Variants in KBTBD2 observed in about 807,000 individuals in gnomAD.
The protein encoded by KBTBD2 is kelch repeat and BTB domain containing 2.
KBTBD2 carries 17 observed loss-of-function variants against 57.1 expected under a neutral mutation model. That is an observed-to-expected ratio of 0.30 (90% CI 0.20 to 0.45). KBTBD2 has a LOEUF of 0.45. KBTBD2 is among the 20% of genes least tolerant of loss of function. The probability of loss-of-function intolerance (pLI) is 1.00; values close to 1 mark genes in which losing one functional copy is unlikely to be tolerated. For missense variants in KBTBD2, 515 were observed against 750.6 expected (o/e 0.69, Z 3.67); for synonymous variants, 267 against 262.7 (o/e 1.02, Z -0.16).
intron 3 of KBTBD2, among the ~76,000 whole-genome samples, chr7:32,873,384 C>CAAAAA (rs544661966): frequency 2.4e-4 from 26 of 107,750 alleles, no homozygotes; most frequent in Non-Finnish European, 3.7e-4. Flanking sequence ...AAGCTCTAAG[C>CAAAAA]AAAAAAAAAA....
Position 32,870,811 on chromosome 7 carries a change from A to T in KBTBD2, c.406T>A (p.Leu136Met). 6.2e-7 allele frequency: 1 copy of T among 1,610,684 alleles called. No individual in the cohort carries two copies. Among genetic ancestry groups the T allele is most frequent in the Non-Finnish European group, 8.5e-7 (1 of 1,179,190 alleles). Reference protein sequence around the residue: ...KKINAENCVRLLSFADLFSCE... With the variant: ...KKINAENCVRMLSFADLFSCE... ...CTGAAGAGATCAGCAAAACTCAACA[A>T]TCGTACACAATTCTCTGCATTTATT... Residue 136 changes from leucine (L) to methionine (M), a missense_variant, in exon 4 of 4, where the codon TTG becomes ATG. Physicochemically the swap from Leu to Met is conservative, Grantham distance 15. Transcript: ENST00000304056.
Position 32,869,459 on chromosome 7 carries a change from G to A in KBTBD2, c.1758C>T (p.Leu586=). The A allele has an allele frequency of 1.2e-6, 2 of 1,614,120 alleles. No homozygotes were observed. Among genetic ancestry groups the A allele is most frequent in the Middle Eastern group, 1.6e-4 (1 of 6,062 alleles). The change falls in exon 4 of 4, where the codon CTC becomes CTT. Residue 586 remains leucine (L), a synonymous_variant. Coordinates refer to ENST00000304056, the MANE Select transcript of KBTBD2 (RefSeq NM_015483.3). Reference sequence around the variant, plus strand: ...GAGACTCTTCAAGGCAGGATGGATAGAGTTTCCCCACAGTGCATCGAAAAT... The same window carrying A: ...GAGACTCTTCAAGGCAGGATGGATAAAGTTTCCCCACAGTGCATCGAAAAT... ...GRDFRCTVGK[L]YPSCLEESPW...
rs148431997 is a variant in KBTBD2, at chr7:32,869,426, T to C, written c.1791A>G (p.Lys597=). 3.7e-6 allele frequency: 6 copies of C among 1,614,000 alleles called. No individual in the cohort carries two copies. The highest frequency in any genetic ancestry group is 1.1e-5 in the South Asian group (1 of 91,084). ...CCGTTGAAAAAAGATAAGTTGGTGG[T>C]TTCCATGGAGACTCTTCAAGGCAGG... is the stretch of plus-strand genomic sequence containing the variant. ...YPSCLEESPW[K]PPTYLFSTDG... is the part of the protein sequence containing the mutation. The change falls in exon 4 of 4, where the codon AAA becomes AAG. Residue 597 remains lysine (K), a synonymous_variant. Coordinates refer to ENST00000304056, the MANE Select transcript of KBTBD2 (RefSeq NM_015483.3).
chr7:32,881,208 G>A (rs1784438022), intron 1 of KBTBD2, among the ~76,000 whole-genome samples: 1 of 151,722 alleles, frequency 6.6e-6, no homozygotes, highest in African/African-American at 2.4e-5. Context: ...AACTGCTCAA[G>A]GGGGCAAAAA....
intron 2 of KBTBD2, 26 bp downstream of exon 2, chr7:32,879,409 C>A: frequency 2.0e-6 from 3 of 1,485,160 alleles, no homozygotes; most frequent in Non-Finnish European, 2.7e-6. Flanking sequence ...CAAAGAATTT[C>A]TATTTAAAAC....
chr7:32,882,979 C>T (rs943659060), intron 1 of KBTBD2, among the ~76,000 whole-genome samples: 13 of 151,914 alleles, frequency 8.6e-5, no homozygotes, highest in African/African-American at 2.7e-4. Flanking sequence ...AGCAAGACTC[C>T]GTCTCAAAAA....
rs779844936 is a variant in KBTBD2, at chr7:32,869,717, T to C, written c.1500A>G (p.Glu500=). ...ACTCATTTTTATTCACATCATAAAT[T>C]TCCACAGTTACTGAAGACCCATCTA... ...GTVDGSSVTV[E]IYDVNKNEWK... is the part of the protein sequence containing the mutation. Residue 500 remains glutamate (E), a synonymous_variant, in exon 4 of 4, where the codon GAA becomes GAG. Transcript: ENST00000304056. 119 of 1,614,008 alleles carry C rather than the reference T, an allele frequency of 7.4e-5. 2 individuals carry two copies. The South Asian group carries it at 1.2e-3, about 16-fold the overall frequency.
At chr7:32,891,392 G>T (rs3750080) in intron 1 of KBTBD2, 144 bp downstream of exon 1, 1 of 148,328 alleles carries the variant, frequency 6.7e-6, no homozygotes, top group Admixed American at 6.7e-5. Flanking sequence ...GAAGCGTCTC[G>T]GGTTTGAAAG....
chr7:32,871,977 A>G (rs1458006560), intron 3 of KBTBD2, among the ~76,000 whole-genome samples: 1 of 152,232 alleles, frequency 6.6e-6, no homozygotes. Flanking sequence ...TTCTGGAATC[A>G]GATTTTCTTA....
intron 1 of KBTBD2, among the ~76,000 whole-genome samples, chr7:32,889,412 CCAACATGG>C (rs1447213052): frequency 2.0e-5 from 3 of 152,040 alleles, no homozygotes; most frequent in African/African-American, 7.3e-5. Flanking sequence ...ACCAGCCTGA[CCAACATGG>C]TGAACCCTCA....
At chr7:32,883,111 C>G (rs2127954920) in intron 1 of KBTBD2, among the ~76,000 whole-genome samples, 1 of 152,312 alleles carries the variant, frequency 6.6e-6, no homozygotes, top group Middle Eastern at 3.4e-3. Context: ...TAACTCACGC[C>G]TGTAATCCCA....
intron 2 of KBTBD2, among the ~76,000 whole-genome samples, chr7:32,879,074 C>T (rs1255166159): frequency 6.6e-6 from 1 of 152,144 alleles, no homozygotes; most frequent in Non-Finnish European, 1.5e-5. Context: ...ACTATTTGAG[C>T]CTATAACTTG....
At chr7:32,883,806 G>T (rs1298551266) in intron 1 of KBTBD2, among the ~76,000 whole-genome samples, 1 of 152,168 alleles carries the variant, frequency 6.6e-6, no homozygotes, top group Non-Finnish European at 1.5e-5. Flanking sequence ...CGGATTCAGA[G>T]AAGCCAAACA....
At chr7:32,875,255 G>A in intron 2 of KBTBD2, 98 bp from the exon 3 acceptor site, 2 of 1,101,584 alleles carry the variant, frequency 1.8e-6, no homozygotes, top group Non-Finnish European at 2.7e-6. Flanking sequence ...GTTTATTTAG[G>A]GTATTTACTT....
intron 1 of KBTBD2, among the ~76,000 whole-genome samples, chr7:32,890,016 C>T (rs62467370): frequency 6.6e-6 from 1 of 152,152 alleles, no homozygotes. Flanking sequence ...TCCTTACATG[C>T]CCTGTGAATA....
Position 32,875,961 on chromosome 7 carries a change from G to A in KBTBD2, c.171-804C>T, listed in dbSNP as rs181035223. ...AAATTTAGATTGTGGAAATGGTTGT[G>A]TAACTGTAAATATACTAAAATTCAT... On this transcript the variant is annotated intron_variant, in intron 2 of 3. Transcript: ENST00000304056. Among the ~76,000 whole-genome samples, 218 of 152,248 alleles carry A rather than the reference G, an allele frequency of 1.4e-3. 2 individuals carry two copies. The highest frequency in any genetic ancestry group is 4.8e-3 in the African/African-American group (201 of 41,550).
rs1279944213 is a variant in KBTBD2, at chr7:32,870,674, G to A, written c.543C>T (p.Leu181=). The change falls in exon 4 of 4, where the codon CTC becomes CTT. Residue 181 remains leucine, a synonymous_variant. Transcript: ENST00000304056. ...TTTCTACATTTAAATTGTCACTACT[G>A]AGAATATCTATCAGTAGGTCATGTG... ...QLSHDLLIDI[L]SSDNLNVEKE... 2 of 1,614,110 alleles carry A rather than the reference G, an allele frequency of 1.2e-6. No individual in the cohort carries two copies. The highest frequency in any genetic ancestry group is 1.7e-6 in the Non-Finnish European group (2 of 1,180,000).
chr7:32,875,865 T>C (rs1205143267), intron 2 of KBTBD2, among the ~76,000 whole-genome samples: 1 of 152,122 alleles, frequency 6.6e-6, no homozygotes, highest in African/African-American at 2.4e-5. Context: ...AGAAGGTAGA[T>C]TAGTAGTTCC....
In KBTBD2 at chr7:32,874,583, C is replaced by T. The variant is rs6946192; in HGVS notation, c.336+409G>A. The T allele has an allele frequency of 6.1e-3, 920 of 150,292 alleles. 14 individuals are homozygous for T. Among genetic ancestry groups the T allele is most frequent in the African/African-American group, 0.021 (836 of 40,190 alleles). The allele number at this position is 150,292 out of a possible 1,614,324, so 9.3% of individuals were successfully genotyped here. ...ACCAATGCACTCCAGCCTGGGTGAC[C>T]GAACGAGACCCCATCTCAAAAACAT... On this transcript the variant is annotated intron_variant, in intron 3 of 3. Coordinates refer to ENST00000304056, the MANE Select transcript of KBTBD2 (RefSeq NM_015483.3).
Sources: allele counts gnomAD v4.1 joint callset (sites outside exome capture counted in the v4.1 genomes callset), GRCh38; gene constraint gnomAD v4.1.1; transcripts MANE v1.5; gene names NCBI Gene and HGNC (gene_info 2026-07-23, HGNC 2026-07-21).